Variants in MIA2 observed in about 807,000 individuals in gnomAD.
MIA2 encodes the protein melanoma inhibitory activity protein 2.
In MIA2, 127 loss-of-function variants were observed where a neutral mutation model predicts 167.8. That is an observed-to-expected ratio of 0.76 (90% CI 0.66 to 0.88). MIA2 has a LOEUF of 0.88. Ranked by LOEUF, MIA2 falls within the 40% of genes least tolerant of loss-of-function variation. MIA2 has a pLI of 0.00. For missense variants in MIA2, 1,690 were observed against 1,624.7 expected (o/e 1.04, Z -0.69); for synonymous variants, 552 against 541.9 (o/e 1.02, Z -0.26).
intron 24 of MIA2, among the ~76,000 whole-genome samples, chr14:39,322,793 T>TA (rs761138459): frequency 6.8e-4 from 103 of 152,304 alleles, no homozygotes; most frequent in Non-Finnish European, 1.4e-3. Context: ...AATTCAAAGA[T>TA]ATAGGGCCTT....
At chr14:39,312,278 A>G (rs1038384917) in intron 18 of MIA2, among the ~76,000 whole-genome samples, 1 of 151,206 alleles carries the variant, frequency 6.6e-6, no homozygotes, top group Non-Finnish European at 1.5e-5. Context: ...TCTTCAGTCT[A>G]CACAGTCTGT....
At chr14:39,280,599 G>A (rs1594958931) in intron 9 of MIA2, among the ~76,000 whole-genome samples, 1 of 152,116 alleles carries the variant, frequency 6.6e-6, no homozygotes, top group East Asian at 1.9e-4. Flanking sequence ...CAAGTGTGGT[G>A]GTGGGTACCT....
chr14:39,240,553 T>C lies in MIA2; in HGVS notation c.250-8T>C, dbSNP rs749309169. On this transcript the variant is annotated splice_polypyrimidine_tract_variant and splice_region_variant and intron_variant, in intron 2 of 28. Transcript: ENST00000640607. ...TTCCTCGATAATCTTTGTTCTTCAT[T>C]TTGACAGAAAGGAAAGGAGTTTGGA... 36 of 1,601,646 alleles carry C rather than the reference T, an allele frequency of 2.2e-5. 1 individual carries two copies. The highest frequency in any genetic ancestry group is 3.0e-5 in the Non-Finnish European group (35 of 1,169,742).
rs149281205 is a variant in MIA2, at chr14:39,279,876, C to G, written c.2130+339C>G. Among the ~76,000 whole-genome samples the G allele has an allele frequency of 1.7e-3, 255 of 152,252 alleles. 1 individual carries two copies. Among genetic ancestry groups the G allele is most frequent in the African/African-American group, 5.9e-3 (246 of 41,532 alleles). On this transcript the variant is annotated intron_variant, in intron 9 of 28. Coordinates refer to ENST00000640607, the MANE Select transcript of MIA2 (RefSeq NM_001329214.4). ...CCAGTCAGATTGGATTAGGGCCCAC[C>G]CTAACAACCTTATTTTATTTTGACC...
At chr14:39,331,703 C>T (rs917399523) in intron 25 of MIA2, among the ~76,000 whole-genome samples, 1 of 152,096 alleles carries the variant, frequency 6.6e-6, no homozygotes, top group African/African-American at 2.4e-5. Context: ...TTTTATTTTT[C>T]CTTTACTTAT....
rs573209097 is a variant in MIA2 at position 39,356,443 on chromosome 14, A to T, written c.2248+7466A>T. On this transcript the variant is annotated intron_variant, in intron 23 of 23. Coordinates refer to the MIA2 transcript ENST00000341502. ...ATTGTGTCCGTTTGATTCTTCTCTCATTTCTTCTTTATTAGTCTTGCTAGT... is the reference window on the plus strand; with the variant it reads ...ATTGTGTCCGTTTGATTCTTCTCTCTTTTCTTCTTTATTAGTCTTGCTAGT... 7.9e-3 allele frequency among the ~76,000 whole-genome samples: 1,202 copies of T among 151,516 alleles called. 15 individuals are homozygous for T. The highest frequency in any genetic ancestry group is 0.027 in the African/African-American group (1,096 of 41,266).
At chr14:39,385,027 C>G (rs1482392826) in intron 23 of MIA2, among the ~76,000 whole-genome samples, 2 of 152,136 alleles carry the variant, frequency 1.3e-5, no homozygotes, top group Non-Finnish European at 2.9e-5. Context: ...TTTAATATTT[C>G]TAAATGTTAC....
At chr14:39,317,892 T>TA in intron 21 of MIA2, 52 bp from the exon 22 acceptor site, 2 of 1,231,578 alleles carry the variant, frequency 1.6e-6, no homozygotes, top group South Asian at 1.6e-5. Context: ...TATTTATGCT[T>TA]ATTTTTTAAG....
chr14:39,318,209 G>A (rs2065834542), intron 22 of MIA2, among the ~76,000 whole-genome samples, 198 bp downstream of exon 22: 1 of 152,244 alleles, frequency 6.6e-6, no homozygotes, highest in African/African-American at 2.4e-5. Context: ...GGCACTTGGA[G>A]GAAACTGTTA....
chr14:39,289,283 C>T (rs1027912332), intron 9 of MIA2, among the ~76,000 whole-genome samples: 5 of 151,566 alleles, frequency 3.3e-5, no homozygotes, highest in Admixed American at 6.6e-5. Flanking sequence ...TGCATGATCT[C>T]GACTCACTGC....
At chr14:39,317,876 T>C in intron 21 of MIA2, 68 bp from the exon 22 acceptor site, 2 of 992,822 alleles carry the variant, frequency 2.0e-6, no homozygotes. Flanking sequence ...AATGTTTATA[T>C]TGACATATTT....
chr14:39,307,645 C>T (rs1339595793), intron 17 of MIA2, among the ~76,000 whole-genome samples: 8 of 151,938 alleles, frequency 5.3e-5, no homozygotes, highest in Admixed American at 4.6e-4. Context: ...AGTGATCCAC[C>T]CCCTTCGGCC....
chr14:39,296,656 C>T (rs570969044), intron 13 of MIA2, among the ~76,000 whole-genome samples: 202 of 135,534 alleles, frequency 1.5e-3, no homozygotes, highest in Non-Finnish European at 2.2e-3. Flanking sequence ...TTATTATACT[C>T]TAAGTTTTAG....
At chr14:39,237,483 A>G (rs1463853008) in intron 2 of MIA2, among the ~76,000 whole-genome samples, 1 of 152,190 alleles carries the variant, frequency 6.6e-6, no homozygotes, top group African/African-American at 2.4e-5. Flanking sequence ...AACACGGTGT[A>G]TATATTAAGA....
intron 23 of MIA2, among the ~76,000 whole-genome samples, chr14:39,374,687 A>G (rs983294263): frequency 5.3e-5 from 8 of 152,176 alleles, no homozygotes; most frequent in Non-Finnish European, 1.0e-4. Flanking sequence ...TCTTCCTATC[A>G]AGGTATGTGT....
intron 23 of MIA2, among the ~76,000 whole-genome samples, chr14:39,363,405 C>T (rs1181675225): frequency 1.3e-5 from 2 of 152,162 alleles, no homozygotes; most frequent in Admixed American, 1.3e-4. Flanking sequence ...TGGAATGTGC[C>T]TGTAGTCCCA....
At chr14:39,295,708 C>T (rs930934228) in intron 13 of MIA2, among the ~76,000 whole-genome samples, 11 of 152,076 alleles carry the variant, frequency 7.2e-5, no homozygotes, top group Admixed American at 2.6e-4. Context: ...TACAGGCGCG[C>T]GCCTCCACGC....
At position 39,241,566 on chromosome 14, in the gene MIA2, C is replaced by T. The variant is rs746645547; in HGVS notation, c.336+919C>T. ...ATTTCTGGGGCTCAAGCAATCCTCC[C>T]GCCTCTGCCTCACCAATGGCTGGGA... On this transcript the variant is annotated intron_variant, in intron 3 of 28. Coordinates refer to ENST00000640607, the MANE Select transcript of MIA2 (RefSeq NM_001329214.4). Among the ~76,000 whole-genome samples, 9 of 152,172 alleles carry T rather than the reference C, an allele frequency of 5.9e-5. No homozygotes were observed. The South Asian group carries it at 6.2e-4, about 11-fold the overall frequency.
chr14:39,356,246 A>C (rs1595933685), downstream of MIA2, among the ~76,000 whole-genome samples: 1 of 152,306 alleles, frequency 6.6e-6, no homozygotes, highest in South Asian at 2.1e-4. Flanking sequence ...TTATTGGTCT[A>C]TTCAGAGATT....
Sources: allele counts gnomAD v4.1 joint callset (sites outside exome capture counted in the v4.1 genomes callset), GRCh38; gene constraint gnomAD v4.1.1; transcripts MANE v1.5; gene names NCBI Gene and HGNC (gene_info 2026-07-23, HGNC 2026-07-21).